The following RDX variants were observed in gnomAD, a reference collection of about 807,000 sequenced individuals.
The protein encoded by RDX is radixin.
A neutral mutation model predicts 83.7 loss-of-function variants in RDX; 32 were observed. The ratio of observed to expected loss-of-function variants is 0.38; its 90% CI spans 0.29 to 0.51. RDX has a LOEUF of 0.51. RDX is among the 20% of genes least tolerant of loss of function. The pLI, the probability that RDX is intolerant of heterozygous loss-of-function variation, is 0.87. For synonymous variants in RDX, 229 were observed against 222.7 expected (o/e 1.03, Z -0.25); for missense variants, 600 against 689.9 (o/e 0.87, Z 1.46).
chr11:110,191,902 G>A (rs993991493), intron 15 of RDX, among the ~76,000 whole-genome samples: 12 of 151,982 alleles, frequency 7.9e-5, no homozygotes, highest in East Asian at 5.8e-4. Context: ...CAAACAAAGC[G>A]AAAAACATTC....
rs1864724451 is a variant in RDX at position 110,233,497 on chromosome 11, G to GT, written c.1345-19dup. 1 of 1,613,384 alleles carries GT rather than the reference G, an allele frequency of 6.2e-7. No individual in the cohort carries two copies. The highest frequency in any genetic ancestry group is 2.2e-5 in the East Asian group (1 of 44,862). On this transcript the variant is annotated intron_variant, in intron 12 of 13. Coordinates refer to ENST00000645495, the MANE Select transcript of RDX (RefSeq NM_002906.4). Reference sequence around the variant, plus strand: ...GCAAAAGCCTGAACATTAAAAATACGTTTATGAGCAACTTACTTCAAAAAT... The same window carrying GT: ...GCAAAAGCCTGAACATTAAAAATACGTTTTATGAGCAACTTACTTCAAAAAT...
chr11:110,231,637 G>A lies in RDX; in HGVS notation c.*232C>T, dbSNP rs1864639095. The A allele has an allele frequency of 1.8e-6, 1 of 555,846 alleles. No individual in the cohort carries two copies. Among genetic ancestry groups the A allele is most frequent in the South Asian group, 2.3e-5 (1 of 43,402 alleles). 34.4% of individuals were successfully genotyped at this position (555,846 alleles called of 1,614,324 possible). ...AAAAAGAAAAAAAATGTGAAAAGAG[G>A]CAATGGAACACCATTCTCCATTCCC... On this transcript the variant is annotated 3_prime_UTR_variant, in exon 14 of 14. Coordinates refer to ENST00000645495, the MANE Select transcript of RDX (RefSeq NM_002906.4).
chr11:110,211,272 A>C (rs1404005630), intron 14 of RDX, among the ~76,000 whole-genome samples: 1 of 152,264 alleles, frequency 6.6e-6, no homozygotes, highest in African/African-American at 2.4e-5. Flanking sequence ...TCAATTCAGC[A>C]AGAAGAGCTA....
At chr11:110,234,668 A>T (rs1435911276) in intron 12 of RDX, among the ~76,000 whole-genome samples, 1 of 152,210 alleles carries the variant, frequency 6.6e-6, no homozygotes, top group African/African-American at 2.4e-5. Context: ...AATTTCATAA[A>T]TCATCCCTAA....
chr11:110,186,635 G>A (rs888374334), intron 15 of RDX, among the ~76,000 whole-genome samples: 13 of 151,982 alleles, frequency 8.6e-5, no homozygotes, highest in African/African-American at 2.9e-4. Flanking sequence ...AAAAGTGAGT[G>A]ACGCCCCAGA....
chr11:110,209,278 G>C (rs1427747782), intron 14 of RDX, among the ~76,000 whole-genome samples: 2 of 152,004 alleles, frequency 1.3e-5, no homozygotes, highest in African/African-American at 2.4e-5. Flanking sequence ...GCGCTTTTCC[G>C]ACGGGCTTAA....
intron 14 of RDX, among the ~76,000 whole-genome samples, chr11:110,205,534 C>T (rs1316341439): frequency 2.7e-5 from 4 of 149,344 alleles, no homozygotes; most frequent in African/African-American, 9.9e-5. Context: ...GATTAGTAAC[C>T]ACAATGGAAA....
chr11:110,204,476 G>A (rs1488826602), intron 14 of RDX, among the ~76,000 whole-genome samples: 2 of 143,000 alleles, frequency 1.4e-5, no homozygotes, highest in African/African-American at 2.6e-5. Context: ...GCTTAATATT[G>A]TACAGCTGTA....
At chr11:110,205,326 G>A (rs929705078) in intron 14 of RDX, among the ~76,000 whole-genome samples, 4 of 142,954 alleles carry the variant, frequency 2.8e-5, no homozygotes, top group Non-Finnish European at 4.5e-5. Flanking sequence ...TAAAGTGAGA[G>A]AATAATTTCT....
rs1055711867 is a variant in RDX, at chr11:110,237,597, T to A, written c.1146A>T (p.Ala382=). Residue 382 remains alanine (A), a synonymous_variant, in exon 11 of 14, where the codon GCA becomes GCT. Transcript: ENST00000645495. ...TTTCAAGTCGTTCTGCTTCTTCTTT[T>A]GCTCGTTTTCGTTCTTGATCCAGTT... is the stretch of plus-strand genomic sequence containing the variant. ...ALELDQERKR[A]KEEAERLEKE... 1 of 1,614,220 alleles carries A rather than the reference T, an allele frequency of 6.2e-7. No homozygotes were observed. Among genetic ancestry groups the A allele is most frequent in the Non-Finnish European group, 8.5e-7 (1 of 1,180,030 alleles).
At chr11:110,178,699 G>A (rs140341216) in intron 15 of RDX, among the ~76,000 whole-genome samples, 1 of 152,312 alleles carries the variant, frequency 6.6e-6, no homozygotes, top group Non-Finnish European at 1.5e-5. Context: ...ACCTTCCAGG[G>A]ACAGAGGTGT....
intron 10 of RDX, among the ~76,000 whole-genome samples, chr11:110,238,524 A>G (rs992521864): frequency 2.6e-5 from 4 of 152,202 alleles, no homozygotes; most frequent in African/African-American, 7.2e-5. Context: ...AAGAAAATCT[A>G]TATGTCATGA....
chr11:110,188,741 T>C (rs1032249121), intron 15 of RDX, among the ~76,000 whole-genome samples: 8 of 152,166 alleles, frequency 5.3e-5, no homozygotes, highest in Admixed American at 6.5e-5. Context: ...TGCTATATCC[T>C]ACCACACTAA....
intron 1 of RDX, among the ~76,000 whole-genome samples, chr11:110,291,359 G>A (rs1323579610): frequency 6.6e-6 from 1 of 152,134 alleles, no homozygotes; most frequent in African/African-American, 2.4e-5. Context: ...GGGAAAAAGG[G>A]AGGGACGGAG....
In RDX at chr11:110,236,298, C is replaced by T; in HGVS notation, c.1252-107G>A. ...CTTAGGCTGTTTATGTTTTTCTTAG[C>T]CTTCCATTTAAAAAAATACAGTATT... On this transcript the variant is annotated intron_variant, in intron 11 of 13. Coordinates refer to ENST00000645495, the MANE Select transcript of RDX (RefSeq NM_002906.4). 12 of 797,260 alleles carry T rather than the reference C, an allele frequency of 1.5e-5. No individual in the cohort carries two copies. The East Asian group carries it at 1.6e-4, about 11-fold the overall frequency. 49.4% of individuals were successfully genotyped at this position (797,260 alleles called of 1,614,324 possible). A position where few individuals can be genotyped will look rare whatever the true frequency, so the allele number is the denominator to read the frequency against.
At chr11:110,186,101 T>G (rs1862981708) in intron 15 of RDX, among the ~76,000 whole-genome samples, 1 of 152,218 alleles carries the variant, frequency 6.6e-6, no homozygotes, top group Admixed American at 6.5e-5. Context: ...GGAATAGAAC[T>G]TGACCAGGAC....
chr11:110,186,928 C>T (rs1862999375), intron 15 of RDX, among the ~76,000 whole-genome samples: 1 of 152,166 alleles, frequency 6.6e-6, no homozygotes, highest in Non-Finnish European at 1.5e-5. Context: ...TGCTCTGGAG[C>T]AGGGTAGGGC....
At chr11:110,176,211 G>A (rs539528942) in intron 15 of RDX, among the ~76,000 whole-genome samples, 18 of 151,778 alleles carry the variant, frequency 1.2e-4, no homozygotes, top group Non-Finnish European at 2.1e-4. Context: ...CCACAGGTGC[G>A]CACCACCACA....
intron 15 of RDX, chr11:110,199,435 C>G (rs1863318919): frequency 1.6e-6 from 1 of 609,896 alleles, no homozygotes; most frequent in Non-Finnish European, 2.9e-6. Flanking sequence ...TGCTCTTGGT[C>G]AGTTCCTTTG....
Sources: allele counts gnomAD v4.1 joint callset (sites outside exome capture counted in the v4.1 genomes callset), GRCh38; gene constraint gnomAD v4.1.1; transcripts MANE v1.5; gene names NCBI Gene and HGNC (gene_info 2026-07-23, HGNC 2026-07-21).